MYO9B: variants seen among roughly 807,000 people sequenced by gnomAD.
MYO9B encodes myosin IXB.
MYO9B carries 71 observed loss-of-function variants against 229.5 expected under a neutral mutation model. The ratio of observed to expected loss-of-function variants is 0.31; its 90% CI spans 0.26 to 0.38. The LOEUF (loss-of-function observed/expected upper bound fraction) is 0.38, where lower values mean the gene tolerates loss of function less well. MYO9B is among the 10% of genes least tolerant of loss of function. The pLI, the probability that MYO9B is intolerant of heterozygous loss-of-function variation, is 1.00. For missense variants in MYO9B, 2,255 were observed against 2,920.5 expected, an observed-to-expected ratio of 0.77 and a Z score of 5.25; for synonymous variants, 1,185 against 1,235.8, an observed-to-expected ratio of 0.96 and a Z score of 0.86.
intron 2 of MYO9B, among the ~76,000 whole-genome samples, chr19:17,114,146 T>A (rs2057876411): frequency 6.6e-6 from 1 of 152,220 alleles, no homozygotes; most frequent in Admixed American, 6.5e-5. Context: ...CACCCCCCAG[T>A]TGAGAACTGC....
chr19:17,135,550 C>A (rs1441284072), intron 2 of MYO9B, among the ~76,000 whole-genome samples: 2 of 152,194 alleles, frequency 1.3e-5, no homozygotes, highest in African/African-American at 4.8e-5. Flanking sequence ...TCGCTGCGAG[C>A]GCTGGGCCGC....
At chr19:17,199,796 A>G (rs2073087763) in intron 24 of MYO9B, among the ~76,000 whole-genome samples, 1 of 146,890 alleles carries the variant, frequency 6.8e-6, no homozygotes, top group African/African-American at 2.5e-5. Flanking sequence ...CACCCACCTC[A>G]GCCTGCCAAA....
At chr19:17,191,258 C>T (rs747721320) in intron 20 of MYO9B, 39 bp downstream of exon 20, 6 of 1,593,028 alleles carry the variant, frequency 3.8e-6, no homozygotes, top group African/African-American at 1.3e-5. Flanking sequence ...CAAACCCACA[C>T]CCTGCCTTCC....
chr19:17,108,517 G>A (rs767141766), intron 2 of MYO9B, among the ~76,000 whole-genome samples: 9 of 152,126 alleles, frequency 5.9e-5, no homozygotes, highest in Non-Finnish European at 1.3e-4. Flanking sequence ...ACACCCAGAA[G>A]TGTCCCCAGA....
At chr19:17,146,089 G>A (rs1485376068) in intron 3 of MYO9B, among the ~76,000 whole-genome samples, 4 of 151,698 alleles carry the variant, frequency 2.6e-5, no homozygotes, top group Admixed American at 6.6e-5. Flanking sequence ...CTGAATGGAT[G>A]GATAGATGAA....
intron 4 of MYO9B, among the ~76,000 whole-genome samples, chr19:17,153,709 A>C (rs2072506307): frequency 6.6e-6 from 1 of 151,806 alleles, no homozygotes; most frequent in African/African-American, 2.4e-5. Flanking sequence ...AAAAAAAAAA[A>C]AGAAAAGAAA....
chr19:17,162,303 G>A (rs377716932), intron 8 of MYO9B, 47 bp from the exon 9 acceptor site: 48 of 1,465,284 alleles, frequency 3.3e-5, no homozygotes, highest in East Asian at 1.5e-4. Flanking sequence ...AGACTCCAGC[G>A]CAGGGCCTGC....
At chr19:17,139,107 G>C (rs1404084255) in intron 2 of MYO9B, among the ~76,000 whole-genome samples, 2 of 152,176 alleles carry the variant, frequency 1.3e-5, no homozygotes, top group Non-Finnish European at 2.9e-5. Flanking sequence ...AACCTGGGAG[G>C]TGGAGGTTGC....
chr19:17,159,209 CAAAA>C (rs1437068581), intron 7 of MYO9B, among the ~76,000 whole-genome samples, 182 bp from the exon 8 acceptor site: 1 of 85,984 alleles, frequency 1.2e-5, no homozygotes, highest in Non-Finnish European at 2.1e-5. Context: ...AACAAACAAA[CAAAA>C]ACCAAAAAAC....
chr19:17,169,695 C>G (rs950291421), intron 11 of MYO9B, among the ~76,000 whole-genome samples: 3 of 151,600 alleles, frequency 2.0e-5, no homozygotes, highest in South Asian at 4.2e-4. Context: ...GGGGTCCAAG[C>G]TTTCCTTGGC....
intron 7 of MYO9B, 97 bp downstream of exon 7, chr19:17,157,135 T>A (rs998783847): frequency 7.0e-7 from 1 of 1,430,054 alleles, no homozygotes; most frequent in Non-Finnish European, 9.3e-7. Flanking sequence ...CTACGTCAGC[T>A]GAGGTTTCAT....
chr19:17,202,421 G>T, intron 28 of MYO9B, 118 bp downstream of exon 28: 1 of 1,005,388 alleles, frequency 9.9e-7, no homozygotes, highest in Non-Finnish European at 1.4e-6. Flanking sequence ...CCCATGCCCT[G>T]CCCATACCAC....
intron 14 of MYO9B, among the ~76,000 whole-genome samples, chr19:17,179,658 C>G (rs2072833597): frequency 6.6e-6 from 1 of 151,756 alleles, no homozygotes; most frequent in Non-Finnish European, 1.5e-5. Flanking sequence ...AACTCCCTAC[C>G]TCAGGTGATC....
At chr19:17,093,419 T>C (rs1389622215) in intron 1 of MYO9B, among the ~76,000 whole-genome samples, 1 of 152,140 alleles carries the variant, frequency 6.6e-6, no homozygotes, top group Non-Finnish European at 1.5e-5. Context: ...CCTCTGTCCA[T>C]CTTCCTTGGC....
At chr19:17,167,473 ATTTT>A (rs36062777) in intron 10 of MYO9B, among the ~76,000 whole-genome samples, 180 of 117,390 alleles carry the variant, frequency 1.5e-3, no homozygotes, top group African/African-American at 5.2e-3. Flanking sequence ...TATTAGAGCT[ATTTT>A]TTTTTTTTTT....
At position 17,172,906 on chromosome 19, in the gene MYO9B, A is replaced by G. The variant is rs747396546; in HGVS notation, c.2083A>G (p.Met695Val). ...WAVLRAAIRA[M>V]AVLREAGRLR... Reference sequence around the variant, plus strand: ...CGTGCTCCGGGCTGCTATCCGGGCCATGGCAGTGCTTCGGGAGGCCGGACG... The same window carrying G: ...CGTGCTCCGGGCTGCTATCCGGGCCGTGGCAGTGCTTCGGGAGGCCGGACG... Residue 695 changes from methionine (M) to valine (V), a missense_variant, in exon 13 of 40, where the codon ATG becomes GTG. Met to Val is a conservative substitution (Grantham distance 21). This residue lies in a region of MYO9B where 155 missense variants were observed against 159.1 expected (regional missense o/e 0.97). Coordinates refer to ENST00000682292, the MANE Select transcript of MYO9B (RefSeq NM_004145.4). This position sits in a 1 kb window ranked among gnomAD's most constrained non-coding sequence, Gnocchi z 8.2. 1 of 1,601,740 alleles carries G rather than the reference A, an allele frequency of 6.2e-7. No homozygotes were observed. Among genetic ancestry groups the G allele is most frequent in the Non-Finnish European group, 8.5e-7 (1 of 1,179,692 alleles).
chr19:17,099,906 TCAGGAGTTCGA>T (rs2057728591), intron 1 of MYO9B, among the ~76,000 whole-genome samples: 1 of 148,950 alleles, frequency 6.7e-6, no homozygotes, highest in South Asian at 2.1e-4. Flanking sequence ...TCACCTGAGG[TCAGGAGTTCGA>T]GACCAGCCTG....
rs572917604 is a variant in MYO9B, at chr19:17,085,018, A to G, written c.-59+9144A>G. On this transcript the variant is annotated intron_variant, in intron 1 of 39. Coordinates refer to ENST00000682292, the MANE Select transcript of MYO9B (RefSeq NM_004145.4). ...AACACCAAGCTTTTGAGGGGCAAGC[A>G]GAGCCTGTTGAGACCTACAGGTCAA... 2.0e-4 allele frequency among the ~76,000 whole-genome samples: 30 copies of G among 152,310 alleles called. No homozygotes were observed. In the East Asian group the frequency reaches 5.0e-3, roughly 25 times the overall value.
chr19:17,096,885 T>C lies in MYO9B; in HGVS notation c.-58-4775T>C, dbSNP rs192518054. Among the ~76,000 whole-genome samples the C allele has an allele frequency of 6.3e-3, 888 of 141,628 alleles. 29 individuals carry two copies. Among genetic ancestry groups the C allele is most frequent in the Admixed American group, 0.057 (794 of 13,980 alleles). The allele number at this position is 141,628 out of a possible 152,430, so 92.9% of individuals were successfully genotyped here. ...TGCGCCCAGCTAATTTTTTGTATTT[T>C]TAGTAGAGATGGGGTTTCACCATGG... On this transcript the variant is annotated intron_variant, in intron 1 of 39. Transcript: ENST00000682292.
Sources: allele counts gnomAD v4.1 joint callset (sites outside exome capture counted in the v4.1 genomes callset), GRCh38; gene constraint gnomAD v4.1.1; regional missense constraint gnomAD v4.1.1; non-coding constraint Gnocchi (gnomAD v3.1); transcripts MANE v1.5; gene names NCBI Gene and HGNC (gene_info 2026-07-23, HGNC 2026-07-21).